Variants in CDH22 observed in about 807,000 individuals in gnomAD.
CDH22 encodes cadherin-22.
CDH22 carries 30 observed loss-of-function variants against 58.4 expected under a neutral mutation model. That is an observed-to-expected ratio of 0.51 (90% CI 0.38 to 0.70). The LOEUF is 0.70. Among genes scored for constraint, CDH22 ranks in the 30% least tolerant of loss-of-function variants. CDH22 has a pLI of 0.00. For synonymous variants in CDH22, 513 were observed against 558.2 expected, an observed-to-expected ratio of 0.92 and a Z score of 1.14; for missense variants, 1,014 against 1,233.9, an observed-to-expected ratio of 0.82 and a Z score of 2.67.
At chr20:46,221,708 C>A (rs1005487236) in intron 4 of CDH22, among the ~76,000 whole-genome samples, 1 of 152,162 alleles carries the variant, frequency 6.6e-6, no homozygotes, top group Non-Finnish European at 1.5e-5. Context: ...TAGTAAGCAG[C>A]CGTGTGCAGG....
At chr20:46,238,521 A>G (rs1419431680) in intron 3 of CDH22, among the ~76,000 whole-genome samples, 1 of 152,234 alleles carries the variant, frequency 6.6e-6, no homozygotes, top group Non-Finnish European at 1.5e-5. Flanking sequence ...TCAGCAGCAT[A>G]ATACGTTTTT....
rs986376663 is a variant in CDH22, at chr20:46,173,909, C to G, written c.*597G>C. The G allele has an allele frequency of 6.6e-6, 1 of 152,544 alleles. No homozygotes were observed. Among genetic ancestry groups the G allele is most frequent in the Non-Finnish European group, 1.5e-5 (1 of 68,302 alleles). The allele number at this position is 152,544 out of a possible 1,614,324, so 9.4% of individuals were successfully genotyped here. The stretch of plus-strand genomic sequence containing the variant: ...GACCAGAGAAGTGAAGTGACTTGCC[C>G]GAGGCCAGGCAGCTGGTCAGTGCCA... On this transcript the variant is annotated 3_prime_UTR_variant, in exon 12 of 12. Transcript: ENST00000537909.
At chr20:46,297,926 T>C (rs547706836) in intron 1 of CDH22, among the ~76,000 whole-genome samples, 1 of 152,164 alleles carries the variant, frequency 6.6e-6, no homozygotes, top group Non-Finnish European at 1.5e-5. Context: ...GATGGTCCCC[T>C]CACCTTCGTC....
At position 46,251,530 on chromosome 20, in the gene CDH22, G is replaced by T; in HGVS notation, c.-236C>A. 3.0e-6 allele frequency: 1 copy of T among 337,468 alleles called. No individual in the cohort carries two copies. Among genetic ancestry groups the T allele is most frequent in the East Asian group, 5.0e-5 (1 of 20,190 alleles). 20.9% of individuals were successfully genotyped at this position (337,468 alleles called of 1,614,324 possible). A position where few individuals can be genotyped will look rare whatever the true frequency, so the allele number is the denominator to read the frequency against. ...CGCATCCGGGGCATGGACAGCCCCC[G>T]GGGTGCCCGCCCGCGCCCCCGTCGC... On this transcript the variant is annotated 5_prime_UTR_variant, in exon 2 of 12. Transcript: ENST00000537909. The surrounding 1 kb of genome is among the most constrained non-coding windows in gnomAD (Gnocchi z 6.7).
chr20:46,179,981 C>T (rs1010134697), intron 10 of CDH22, among the ~76,000 whole-genome samples: 2 of 152,214 alleles, frequency 1.3e-5, no homozygotes, highest in Non-Finnish European at 2.9e-5. Flanking sequence ...CTAAATGTCA[C>T]CTCCTTTCTT....
At chr20:46,298,530 A>G (rs1244471351) in intron 1 of CDH22, among the ~76,000 whole-genome samples, 1 of 152,066 alleles carries the variant, frequency 6.6e-6, no homozygotes, top group African/African-American at 2.4e-5. Context: ...GGGTTGGTGG[A>G]TAGATGGGTG....
chr20:46,233,005 G>T (rs2086229918), intron 3 of CDH22, among the ~76,000 whole-genome samples: 1 of 152,222 alleles, frequency 6.6e-6, no homozygotes, highest in Non-Finnish European at 1.5e-5. Flanking sequence ...AGGGACAGAA[G>T]TTCGTGGGGC....
intron 6 of CDH22, among the ~76,000 whole-genome samples, chr20:46,212,508 T>C (rs975110507): frequency 6.6e-6 from 1 of 152,338 alleles, no homozygotes; most frequent in South Asian, 2.1e-4. Context: ...GGAAGGCTGT[T>C]AGACTCAGGA....
intron 1 of CDH22, among the ~76,000 whole-genome samples, chr20:46,270,868 C>T (rs2086484357): frequency 6.6e-6 from 1 of 152,218 alleles, no homozygotes; most frequent in Non-Finnish European, 1.5e-5. Flanking sequence ...GGACTTCCAG[C>T]TTTGTTGCTA....
chr20:46,224,731 A>G (rs930128393), intron 4 of CDH22, among the ~76,000 whole-genome samples: 2 of 151,824 alleles, frequency 1.3e-5, no homozygotes, highest in South Asian at 2.1e-4. Flanking sequence ...TCCTCCCCCA[A>G]CCTAGTCCTG....
intron 1 of CDH22, among the ~76,000 whole-genome samples, chr20:46,282,385 G>A (rs548829473): frequency 6.6e-6 from 1 of 152,208 alleles, no homozygotes; most frequent in East Asian, 1.9e-4. Flanking sequence ...GCAGGAAGGA[G>A]TCTCGCTTCC....
At chr20:46,223,194 G>A (rs1176016299) in intron 4 of CDH22, among the ~76,000 whole-genome samples, 1 of 152,164 alleles carries the variant, frequency 6.6e-6, no homozygotes, top group Non-Finnish European at 1.5e-5. Flanking sequence ...CCCAGGCCCG[G>A]TGGCCTCCCA....
chr20:46,267,361 T>A (rs2086465887), intron 1 of CDH22, among the ~76,000 whole-genome samples: 1 of 152,256 alleles, frequency 6.6e-6, no homozygotes. Context: ...ACAAGGTATG[T>A]GTGAAGGGCT....
At chr20:46,190,181 A>AG (rs2085853283) in intron 8 of CDH22, among the ~76,000 whole-genome samples, 1 of 152,276 alleles carries the variant, frequency 6.6e-6, no homozygotes, top group African/African-American at 2.4e-5. Context: ...ATCTCTGTGC[A>AG]GGATTTTCCA....
intron 2 of CDH22, among the ~76,000 whole-genome samples, chr20:46,244,198 C>T (rs1035017508): frequency 3.3e-5 from 5 of 152,212 alleles, no homozygotes; most frequent in African/African-American, 1.2e-4. Context: ...GCAGGGCTCA[C>T]TTACGAGTGA....
At chr20:46,260,698 T>A (rs1270791604) in intron 1 of CDH22, among the ~76,000 whole-genome samples, 1 of 152,240 alleles carries the variant, frequency 6.6e-6, no homozygotes, top group African/African-American at 2.4e-5. Flanking sequence ...TCTGGCTGGA[T>A]GGCCAGCATG....
chr20:46,255,451 C>A (rs2086401656), intron 1 of CDH22, among the ~76,000 whole-genome samples: 1 of 152,226 alleles, frequency 6.6e-6, no homozygotes, highest in Non-Finnish European at 1.5e-5. Context: ...AAAAATGCAC[C>A]TCTAGGTGAA....
intron 3 of CDH22, among the ~76,000 whole-genome samples, chr20:46,236,581 A>AATATAATATATAATATATTATATATAG (rs2086254174): frequency 2.1e-5 from 3 of 142,862 alleles, no homozygotes; most frequent in Admixed American, 1.4e-4. Flanking sequence ...ATTATATATA[A>AATATAATATATAATATATTATATATAG]ATATAATATA....
At chr20:46,267,966 G>A (rs1383521534) in intron 1 of CDH22, among the ~76,000 whole-genome samples, 6 of 152,242 alleles carry the variant, frequency 3.9e-5, no homozygotes, top group African/African-American at 9.6e-5. Context: ...CTCTCAGCAG[G>A]GGCCTCAGCT....
Sources: gnomAD v4.1 joint callset for allele counts (sites outside exome capture counted in the v4.1 genomes callset) on GRCh38, gnomAD v4.1.1 for gene constraint, Gnocchi (gnomAD v3.1) non-coding constraint, MANE v1.5 for transcripts, NCBI Gene and HGNC (gene_info 2026-07-23, HGNC 2026-07-21) for gene names.